Variants in KCNC2 observed in about 807,000 individuals in gnomAD.
KCNC2 encodes the protein voltage-gated potassium channel KCNC2.
A neutral mutation model predicts 44.5 loss-of-function variants in KCNC2; 21 were observed. The observed-to-expected ratio is 0.47, with a 90% confidence interval of 0.33 to 0.68. The LOEUF (loss-of-function observed/expected upper bound fraction) is 0.68, where lower values mean the gene tolerates loss of function less well. KCNC2 is among the 30% of genes least tolerant of loss of function. KCNC2 has a pLI of 0.01. For synonymous variants in KCNC2, 391 were observed against 339.1 expected (o/e 1.15, Z -1.68); for missense variants, 589 against 826.2 (o/e 0.71, Z 3.52).
At chr12:75,130,874 A>T (rs1437636220) in intron 2 of KCNC2, among the ~76,000 whole-genome samples, 2 of 152,088 alleles carry the variant, frequency 1.3e-5, no homozygotes, top group Non-Finnish European at 2.9e-5. Context: ...TGTAATCCAT[A>T]TCAGCTCACT....
chr12:75,178,193 T>A lies in KCNC2; in HGVS notation c.687+29104A>T, dbSNP rs1031348788. Among the ~76,000 whole-genome samples the A allele has an allele frequency of 2.6e-5, 4 of 152,138 alleles. 1 individual carries two copies. Among genetic ancestry groups the A allele is most frequent in the Admixed American group, 2.6e-4 (4 of 15,260 alleles). On this transcript the variant is annotated intron_variant, in intron 2 of 4. Coordinates refer to ENST00000549446, the MANE Select transcript of KCNC2 (RefSeq NM_139137.4). ...TTCTACTTTCATCACAACCAGTGAG[T>A]CATTGTCTGACTCACAGTAAGACAT...
At chr12:75,154,415 C>A (rs970853710) in intron 2 of KCNC2, among the ~76,000 whole-genome samples, 1 of 152,004 alleles carries the variant, frequency 6.6e-6, no homozygotes, top group African/African-American at 2.4e-5. Context: ...GATCATCACA[C>A]CTGTCCTCGA....
intron 2 of KCNC2, among the ~76,000 whole-genome samples, chr12:75,094,566 A>T (rs1360252864): frequency 6.6e-6 from 1 of 151,740 alleles, no homozygotes; most frequent in Non-Finnish European, 1.5e-5. Context: ...CCTTTAAATT[A>T]ATTTTTAAAT....
chr12:75,148,630 T>A (rs1222565123), intron 2 of KCNC2, among the ~76,000 whole-genome samples: 2 of 152,056 alleles, frequency 1.3e-5, no homozygotes, highest in African/African-American at 4.8e-5. Flanking sequence ...ATGTTATATT[T>A]TTTAGGTAAA....
At position 75,042,023 on chromosome 12, in the gene KCNC2, T is replaced by C. The variant is rs940461341; in HGVS notation, c.*1082A>G. On this transcript the variant is annotated 3_prime_UTR_variant, in exon 5 of 5. Transcript: ENST00000549446. ...CCTGATTAAACACTGCCTGAAAATC[T>C]GATTAATCTTTTGACTCAGGAATTT... The C allele has an allele frequency of 1.4e-5, 16 of 1,113,736 alleles. No homozygotes were observed. The African/African-American group carries it at 2.5e-4, about 17-fold the overall frequency. The allele number at this position is 1,113,736 out of a possible 1,614,324, so 69.0% of individuals were successfully genotyped here.
chr12:75,111,650 T>C (rs1165766080), intron 2 of KCNC2, among the ~76,000 whole-genome samples: 1 of 152,018 alleles, frequency 6.6e-6, no homozygotes, highest in Non-Finnish European at 1.5e-5. Flanking sequence ...AGTTTTGACA[T>C]TTTCATTAAG....
At chr12:75,196,381 AAC>A (rs1565686965) in intron 2 of KCNC2, among the ~76,000 whole-genome samples, 1 of 152,134 alleles carries the variant, frequency 6.6e-6, no homozygotes, top group African/African-American at 2.4e-5. Flanking sequence ...TTTCTTCATG[AAC>A]ATTCTAAACA....
intron 2 of KCNC2, among the ~76,000 whole-genome samples, chr12:75,082,557 C>A: frequency 6.9e-6 from 1 of 145,428 alleles, no homozygotes. Context: ...AACATTTAAT[C>A]ATGGATAATG....
At chr12:75,062,474 C>T (rs1882442695) in intron 2 of KCNC2, among the ~76,000 whole-genome samples, 2 of 151,940 alleles carry the variant, frequency 1.3e-5, no homozygotes, top group Non-Finnish European at 2.9e-5. Context: ...AATAGTTTAA[C>T]ATCCAAATGC....
intron 2 of KCNC2, chr12:75,140,053 G>T (rs949662272): frequency 1.5e-4 from 23 of 152,166 alleles, no homozygotes; most frequent in African/African-American, 4.3e-4. Context: ...CTGCAATTTG[G>T]ACAGTGTTTA....
At chr12:75,090,684 G>A (rs764266101) in intron 2 of KCNC2, among the ~76,000 whole-genome samples, 1 of 151,490 alleles carries the variant, frequency 6.6e-6, no homozygotes, top group African/African-American at 2.4e-5. Context: ...TCACTTCCTC[G>A]ATATATAGAG....
intron 2 of KCNC2, among the ~76,000 whole-genome samples, chr12:75,087,648 A>G (rs1278101906): frequency 1.3e-5 from 2 of 152,014 alleles, no homozygotes; most frequent in Non-Finnish European, 2.9e-5. Flanking sequence ...CAAATTTGGG[A>G]GAATTCCAGG....
intron 2 of KCNC2, among the ~76,000 whole-genome samples, chr12:75,108,365 CA>C (rs919624931): frequency 2.0e-5 from 3 of 152,120 alleles, no homozygotes; most frequent in African/African-American, 7.2e-5. Context: ...AGCATGTAGG[CA>C]AGGGGTCTGC....
chr12:75,207,019 C>A lies in KCNC2; in HGVS notation c.687+278G>T, dbSNP rs144508571. 7.7e-4 allele frequency among the ~76,000 whole-genome samples: 117 copies of A among 152,306 alleles called. No individual in the cohort carries two copies. Among genetic ancestry groups the A allele is most frequent in the African/African-American group, 2.7e-3 (111 of 41,568 alleles). On this transcript the variant is annotated intron_variant, in intron 2 of 4. Transcript: ENST00000549446. The surrounding 1 kb of genome is among the most constrained non-coding windows in gnomAD (Gnocchi z 4.1). Reference sequence around the variant, plus strand: ...TTTCAGGACAGGGTCCAAAGACGTGCACAGAAAAGTCGACATTGGCCCTCT... The same window carrying A: ...TTTCAGGACAGGGTCCAAAGACGTGAACAGAAAAGTCGACATTGGCCCTCT...
At chr12:75,070,857 T>C (rs1372248693) in intron 2 of KCNC2, among the ~76,000 whole-genome samples, 3 of 152,134 alleles carry the variant, frequency 2.0e-5, no homozygotes, top group African/African-American at 7.2e-5. Context: ...TGTTAATTCA[T>C]ACACATAGGA....
At chr12:75,076,843 T>C (rs1884033075) in intron 2 of KCNC2, among the ~76,000 whole-genome samples, 2 of 152,220 alleles carry the variant, frequency 1.3e-5, no homozygotes. Flanking sequence ...ATAAGAATTA[T>C]TAATTGGGTG....
At chr12:75,070,334 C>T (rs935175176) in intron 2 of KCNC2, among the ~76,000 whole-genome samples, 2 of 150,714 alleles carry the variant, frequency 1.3e-5, no homozygotes, top group Admixed American at 1.3e-4. Context: ...GTCTGTAATC[C>T]CAGCTACTGG....
At chr12:75,137,429 A>G (rs943763137) in intron 2 of KCNC2, among the ~76,000 whole-genome samples, 10 of 152,208 alleles carry the variant, frequency 6.6e-5, no homozygotes, top group Middle Eastern at 3.2e-3. Context: ...ATATGTATAC[A>G]TATTTGTGTT....
At chr12:75,061,695 G>A (rs1436749775) in intron 2 of KCNC2, among the ~76,000 whole-genome samples, 1 of 151,738 alleles carries the variant, frequency 6.6e-6, no homozygotes, top group African/African-American at 2.4e-5. Context: ...AATTTTTATA[G>A]GGCTTAACAG....
Sources: allele counts gnomAD v4.1 joint callset (sites outside exome capture counted in the v4.1 genomes callset), GRCh38; gene constraint gnomAD v4.1.1; non-coding constraint Gnocchi (gnomAD v3.1); transcripts MANE v1.5; gene names NCBI Gene and HGNC (gene_info 2026-07-23, HGNC 2026-07-21).